MIR2052HG: variants seen among roughly 807,000 people sequenced by gnomAD.
MIR2052HG encodes MIR2052 host gene.
At chr8:74,667,554 A>C in intron 2 of MIR2052HG, among the ~76,000 whole-genome samples, 1 of 152,126 alleles carries the variant, frequency 6.6e-6, no homozygotes, top group East Asian at 1.9e-4. Context: ...TTTCATTTTT[A>C]AAGTATCTTT....
At chr8:74,676,106 G>A (rs1049885801) in intron 2 of MIR2052HG, among the ~76,000 whole-genome samples, 11 of 152,038 alleles carry the variant, frequency 7.2e-5, no homozygotes, top group African/African-American at 2.6e-4. Flanking sequence ...AATTAGAATT[G>A]CAAACCTGGA....
chr8:74,683,505 G>T (rs1461650238), intron 2 of MIR2052HG, among the ~76,000 whole-genome samples: 1 of 152,030 alleles, frequency 6.6e-6, no homozygotes, highest in African/African-American at 2.4e-5. Flanking sequence ...AGATGACTAG[G>T]TTCTTAATCT....
chr8:74,654,964 G>A (rs1039750611), intron 2 of MIR2052HG, among the ~76,000 whole-genome samples: 2 of 152,150 alleles, frequency 1.3e-5, no homozygotes, highest in Non-Finnish European at 2.9e-5. Flanking sequence ...GGTCTCAGAT[G>A]GAGATGAGGA....
intron 2 of MIR2052HG, chr8:74,702,304 A>C (rs1424595310): frequency 1.5e-5 from 5 of 338,086 alleles, no homozygotes; most frequent in Non-Finnish European, 2.5e-5. Context: ...ATGCATAGTT[A>C]TATTGGATGA....
chr8:74,675,029 A>G (rs1296727957), intron 2 of MIR2052HG, among the ~76,000 whole-genome samples: 1 of 152,064 alleles, frequency 6.6e-6, no homozygotes, highest in Non-Finnish European at 1.5e-5. Context: ...TTTCAAGAGT[A>G]TACACATTTA....
intron 2 of MIR2052HG, among the ~76,000 whole-genome samples, chr8:74,617,981 T>C (rs1808308738): frequency 6.6e-6 from 1 of 152,224 alleles, no homozygotes; most frequent in African/African-American, 2.4e-5. Context: ...TTGATTCTTC[T>C]ACCTTTCTGG....
intron 1 of MIR2052HG, chr8:74,603,292 C>T (rs1254564743): frequency 2.9e-5 from 46 of 1,569,688 alleles, no homozygotes; most frequent in Middle Eastern, 2.3e-4. Flanking sequence ...ATTGTTCTAG[C>T]TGCTCCCCAT....
chr8:74,711,579 C>A (rs911114611), intron 4 of MIR2052HG, among the ~76,000 whole-genome samples: 1 of 152,074 alleles, frequency 6.6e-6, no homozygotes, highest in African/African-American at 2.4e-5. Flanking sequence ...AATGCCTGCT[C>A]GGCATTTGAT....
intron 2 of MIR2052HG, among the ~76,000 whole-genome samples, chr8:74,673,374 T>C (rs1809013678): frequency 6.6e-6 from 1 of 152,046 alleles, no homozygotes; most frequent in African/African-American, 2.4e-5. Context: ...TTAGTGCCCA[T>C]CTTCTCAGCT....
intron 4 of MIR2052HG, among the ~76,000 whole-genome samples, chr8:74,746,161 T>C (rs1644565008): frequency 6.6e-6 from 1 of 152,180 alleles, no homozygotes; most frequent in African/African-American, 2.4e-5. Flanking sequence ...CGCAATGTAT[T>C]AGACACGACC....
chr8:74,624,195 A>G (rs997273724), intron 2 of MIR2052HG, among the ~76,000 whole-genome samples: 1 of 152,216 alleles, frequency 6.6e-6, no homozygotes, highest in African/African-American at 2.4e-5. Flanking sequence ...AAACTGTTGT[A>G]TAGCTTTTAG....
At chr8:74,664,686 AT>A (rs1251554739) in intron 2 of MIR2052HG, among the ~76,000 whole-genome samples, 1 of 151,740 alleles carries the variant, frequency 6.6e-6, no homozygotes, top group Non-Finnish European at 1.5e-5. Context: ...CCCAGCTAAT[AT>A]TTTATATTTT....
chr8:74,674,691 C>A (rs917388045), intron 2 of MIR2052HG, among the ~76,000 whole-genome samples: 3 of 151,812 alleles, frequency 2.0e-5, no homozygotes, highest in Non-Finnish European at 4.4e-5. Context: ...CTTCTCGTTG[C>A]TAAAACGTAT....
intron 2 of MIR2052HG, among the ~76,000 whole-genome samples, chr8:74,659,022 T>C (rs1239301457): frequency 6.6e-6 from 1 of 152,176 alleles, no homozygotes; most frequent in Non-Finnish European, 1.5e-5. Context: ...CACAAAGAGA[T>C]TTATCTAACA....
intron 2 of MIR2052HG, among the ~76,000 whole-genome samples, chr8:74,624,974 C>T (rs531051000): frequency 1.6e-4 from 25 of 152,140 alleles, no homozygotes; most frequent in Admixed American, 7.9e-4. Flanking sequence ...GATGAAAACC[C>T]GTATTCACAA....
intron 2 of MIR2052HG, among the ~76,000 whole-genome samples, chr8:74,668,851 A>T (rs984916064): frequency 5.3e-5 from 8 of 152,178 alleles, no homozygotes; most frequent in Non-Finnish European, 8.8e-5. Flanking sequence ...AACTCAGAAG[A>T]CTTGCGGAAG....
intron 2 of MIR2052HG, among the ~76,000 whole-genome samples, chr8:74,665,516 A>T (rs1363756843): frequency 6.6e-6 from 1 of 152,138 alleles, no homozygotes; most frequent in Non-Finnish European, 1.5e-5. Flanking sequence ...CCTGCAATAT[A>T]CAGAACTTCT....
intron 2 of MIR2052HG, chr8:74,702,365 G>A (rs2128740952): frequency 4.4e-6 from 2 of 451,928 alleles, no homozygotes; most frequent in South Asian, 3.1e-5. Flanking sequence ...ACTCTCACTA[G>A]CTTCCTTTGC....
At chr8:74,715,163 A>G (rs182604092) in intron 4 of MIR2052HG, among the ~76,000 whole-genome samples, 212 of 152,330 alleles carry the variant, frequency 1.4e-3, no homozygotes, top group African/African-American at 4.9e-3. Context: ...ACAATGAAAC[A>G]TGGATGAACT....
Sources: gnomAD v4.1 joint callset for allele counts (sites outside exome capture counted in the v4.1 genomes callset) on GRCh38, gnomAD v4.1.1 for gene constraint, MANE v1.5 for transcripts, NCBI Gene and HGNC (gene_info 2026-07-23, HGNC 2026-07-21) for gene names.